Variants in EXOSC7 observed in about 807,000 individuals in gnomAD.
The protein encoded by EXOSC7 is exosome complex component RRP42.
EXOSC7 carries 25 observed loss-of-function variants against 34.3 expected under a neutral mutation model. That is an observed-to-expected ratio of 0.73 (90% CI 0.53 to 1.02). The LOEUF is 1.02. Ranked by LOEUF, EXOSC7 falls within the 50% of genes least tolerant of loss-of-function variation. The probability of loss-of-function intolerance (pLI) is 0.00; values close to 1 mark genes in which losing one functional copy is unlikely to be tolerated. For synonymous variants in EXOSC7, 130 were observed against 143.0 expected (o/e 0.91, Z 0.65); for missense variants, 370 against 368.5 (o/e 1.00, Z -0.03).
At chr3:44,984,874 T>C (rs1463818071) in intron 1 of EXOSC7, among the ~76,000 whole-genome samples, 1 of 152,242 alleles carries the variant, frequency 6.6e-6, no homozygotes, top group African/African-American at 2.4e-5. Flanking sequence ...TCTGTAGAAT[T>C]AGAGAATCAC....
chr3:44,984,152 T>C (rs1335388912), intron 1 of EXOSC7, among the ~76,000 whole-genome samples: 1 of 152,174 alleles, frequency 6.6e-6, no homozygotes, highest in Non-Finnish European at 1.5e-5. Flanking sequence ...GTGTGACTAA[T>C]CTTTCAGAGC....
chr3:45,008,523 C>G (rs1413608568), intron 7 of EXOSC7, among the ~76,000 whole-genome samples: 1 of 152,222 alleles, frequency 6.6e-6, no homozygotes, highest in African/African-American at 2.4e-5. Flanking sequence ...ACTGCCCTGG[C>G]TGCAAACCTG....
chr3:44,994,773 C>T (rs190359460), intron 3 of EXOSC7, among the ~76,000 whole-genome samples: 68 of 151,872 alleles, frequency 4.5e-4, no homozygotes, highest in African/African-American at 1.4e-3. Flanking sequence ...GCTATGGCAC[C>T]ATCCAGTTAC....
intron 6 of EXOSC7, among the ~76,000 whole-genome samples, 154 bp from the exon 7 acceptor site, chr3:45,007,266 A>G (rs1242458660): frequency 6.6e-6 from 1 of 152,196 alleles, no homozygotes; most frequent in South Asian, 2.1e-4. Context: ...ACAATCCCTC[A>G]GCTGTTTTCC....
At chr3:44,978,411 T>C (rs1372784184) in intron 1 of EXOSC7, among the ~76,000 whole-genome samples, 1 of 152,212 alleles carries the variant, frequency 6.6e-6, no homozygotes, top group Non-Finnish European at 1.5e-5. Context: ...TCCTCCTCTG[T>C]ATCTTCAGGA....
intron 1 of EXOSC7, among the ~76,000 whole-genome samples, chr3:44,985,155 A>G (rs994437202): frequency 6.6e-6 from 1 of 152,224 alleles, no homozygotes; most frequent in Non-Finnish European, 1.5e-5. Context: ...TTGAGCTAGA[A>G]AGCCTTCAGG....
rs1306565198 is a variant in EXOSC7 at position 45,001,545 on chromosome 3, A to AATGTGGTG, written c.429_436dup (p.Gly146AspfsTer14). 1.9e-6 allele frequency: 3 copies of AATGTGGTG among 1,612,372 alleles called. No homozygotes were observed. In the African/African-American group the frequency reaches 4.0e-5, roughly 22 times the overall value. The stretch of plus-strand genomic sequence containing the variant: ...AATTCCTGTCTCCCTTAGCTTCTGG[A>AATGTGGTG]ATGTGGTGGAAATTTGTTTGATGCC... On this transcript the variant is annotated frameshift_variant, in exon 5 of 8. Transcript: ENST00000265564. LOFTEE classifies it high-confidence loss of function.
chr3:44,978,656 T>C (rs1433757582), intron 1 of EXOSC7, among the ~76,000 whole-genome samples: 1 of 152,212 alleles, frequency 6.6e-6, no homozygotes, highest in African/African-American at 2.4e-5. Flanking sequence ...TCAGCATGAC[T>C]GAGAATTAAG....
At chr3:44,986,188 T>G in intron 1 of EXOSC7, among the ~76,000 whole-genome samples, 1 of 77,362 alleles carries the variant, frequency 1.3e-5, no homozygotes, top group African/African-American at 4.8e-5. Context: ...TTGGGGAGGT[T>G]GGGGCCACAC....
chr3:44,979,841 T>A (rs1256019714), intron 1 of EXOSC7, among the ~76,000 whole-genome samples: 3 of 151,988 alleles, frequency 2.0e-5, no homozygotes, highest in Non-Finnish European at 4.4e-5. Flanking sequence ...TTGGGAGAAG[T>A]CAGTTTGTGA....
intron 3 of EXOSC7, among the ~76,000 whole-genome samples, chr3:44,995,015 A>T (rs544891414): frequency 6.6e-6 from 1 of 151,538 alleles, no homozygotes; most frequent in Non-Finnish European, 1.5e-5. Flanking sequence ...ACGGAGTTTC[A>T]CTCTTGTTGA....
At chr3:44,987,293 CT>C (rs1706448405) in intron 1 of EXOSC7, among the ~76,000 whole-genome samples, 1 of 152,300 alleles carries the variant, frequency 6.6e-6, no homozygotes, top group Non-Finnish European at 1.5e-5. Context: ...TGACATTTCT[CT>C]GAGCATACTT....
At chr3:44,986,735 A>C (rs1365086572) in intron 1 of EXOSC7, among the ~76,000 whole-genome samples, 2 of 152,172 alleles carry the variant, frequency 1.3e-5, no homozygotes, top group Non-Finnish European at 2.9e-5. Context: ...TGTGATGTTT[A>C]TTTTCTGTCA....
intron 3 of EXOSC7, among the ~76,000 whole-genome samples, chr3:44,994,287 T>A (rs2125967171): frequency 6.8e-6 from 1 of 147,156 alleles, no homozygotes; most frequent in Non-Finnish European, 1.5e-5. Flanking sequence ...TCTTGTAAAA[T>A]GAGAGAGTTA....
At chr3:44,983,874 A>G (rs879761908) in intron 1 of EXOSC7, among the ~76,000 whole-genome samples, 1 of 151,628 alleles carries the variant, frequency 6.6e-6, no homozygotes, top group Non-Finnish European at 1.5e-5. Flanking sequence ...TTAAAAAAAA[A>G]AGTTGCCCTG....
At chr3:44,987,088 G>A (rs1706442065) in intron 1 of EXOSC7, among the ~76,000 whole-genome samples, 1 of 38,412 alleles carries the variant, frequency 2.6e-5, no homozygotes, top group Admixed American at 2.8e-4. Flanking sequence ...ATATAGTTAA[G>A]TGTTAAAAAA....
rs188000172 is a variant in EXOSC7 at position 44,986,016 on chromosome 3, C to T, written c.58-3124C>T. 2.1e-3 allele frequency among the ~76,000 whole-genome samples: 320 copies of T among 152,326 alleles called. 1 individual carries two copies. The highest frequency in any genetic ancestry group is 3.8e-3 in the Non-Finnish European group (260 of 68,024). Reference sequence around the variant, plus strand: ...TCTCTTAGCTAGACATAGAGGTTCTCCAAGTCCCCATCAGACTCAGGAGCC... The same window carrying T: ...TCTCTTAGCTAGACATAGAGGTTCTTCAAGTCCCCATCAGACTCAGGAGCC... On this transcript the variant is annotated intron_variant, in intron 1 of 7. Transcript: ENST00000265564.
intron 7 of EXOSC7, among the ~76,000 whole-genome samples, chr3:45,010,430 AG>A (rs1478036975): frequency 6.6e-6 from 1 of 152,030 alleles, no homozygotes; most frequent in African/African-American, 2.4e-5. Flanking sequence ...AGTTTTTTGT[AG>A]AGATGGGGTT....
chr3:44,976,352 G>T lies in EXOSC7; in HGVS notation c.57+18G>T, dbSNP rs1271008089. The T allele has an allele frequency of 6.4e-7, 1 of 1,564,528 alleles. No homozygotes were observed. Among genetic ancestry groups the T allele is most frequent in the Non-Finnish European group, 8.6e-7 (1 of 1,161,590 alleles). On this transcript the variant is annotated intron_variant, in intron 1 of 7. Transcript: ENST00000265564. ...GCGTCCAGGTAGCTACAGCAGCGGC[G>T]TTGGGTCGGCCGCCGGGTTCAGCCT... is the stretch of plus-strand genomic sequence containing the variant.
Sources: gnomAD v4.1 joint callset for allele counts (sites outside exome capture counted in the v4.1 genomes callset) on GRCh38, gnomAD v4.1.1 for gene constraint, MANE v1.5 for transcripts, NCBI Gene and HGNC (gene_info 2026-07-23, HGNC 2026-07-21) for gene names.